TCP1: variants seen among roughly 807,000 people sequenced by gnomAD.
TCP1 encodes t-complex 1.
Under a neutral mutation model 54.7 loss-of-function variants are expected in TCP1, and 6 were observed. The observed-to-expected ratio is 0.11, with a 90% confidence interval of 0.06 to 0.22. The LOEUF is 0.22. Ranked by LOEUF, TCP1 falls within the 10% of genes least tolerant of loss-of-function variation. TCP1 has a pLI of 1.00. For missense variants in TCP1, 511 were observed against 678.2 expected, an observed-to-expected ratio of 0.75 and a Z score of 2.74; for synonymous variants, 225 against 229.7, an observed-to-expected ratio of 0.98 and a Z score of 0.19.
chr6:159,781,235 G>T (rs993018174), intron 7 of TCP1, 125 bp from the exon 8 acceptor site: 1 of 889,232 alleles, frequency 1.1e-6, no homozygotes, highest in Non-Finnish European at 1.6e-6. Context: ...TCTCTGACCA[G>T]AATTTAAATT....
intron 3 of TCP1, among the ~76,000 whole-genome samples, chr6:159,786,878 A>G (rs901910859): frequency 6.6e-6 from 1 of 152,170 alleles, no homozygotes; most frequent in Non-Finnish European, 1.5e-5. Flanking sequence ...GTAAGATCAC[A>G]CTGTCATATC....
chr6:159,783,831 A>C, intron 7 of TCP1, 110 bp downstream of exon 7: 21 of 1,438,212 alleles, frequency 1.5e-5, no homozygotes, highest in Non-Finnish European at 1.9e-5. Flanking sequence ...CCCTCTAAAA[A>C]CACCACCAGG....
intron 9 of TCP1, 177 bp from the exon 10 acceptor site, chr6:159,780,264 T>C (rs1583137716): frequency 8.2e-7 from 1 of 1,222,024 alleles, no homozygotes; most frequent in South Asian, 1.2e-5. Context: ...GTCTAGTCCC[T>C]GCAGAAGAGA....
At chr6:159,789,245 C>A (rs894269795) in intron 1 of TCP1, 160 bp downstream of exon 1, 2 of 774,964 alleles carry the variant, frequency 2.6e-6, no homozygotes. Context: ...GGCCACAGCG[C>A]CCTGCCCCAG....
chr6:159,783,379 A>ATTTTTTTTTTTTTTTTTTTTTTTTTTTT, intron 7 of TCP1, among the ~76,000 whole-genome samples: 1 of 118,838 alleles, frequency 8.4e-6, no homozygotes. Flanking sequence ...TGTTTAAACT[A>ATTTTTTTTTTTTTTTTTTTTTTTTTTTT]TTTTTTTTTT....
At chr6:159,785,703 T>C in intron 4 of TCP1, 197 bp downstream of exon 4, 1 of 789,964 alleles carries the variant, frequency 1.3e-6, no homozygotes, top group Non-Finnish European at 2.2e-6. Context: ...AAATCTATTA[T>C]TAGGAGAAAA....
intron 7 of TCP1, among the ~76,000 whole-genome samples, chr6:159,781,365 G>A (rs1780572114): frequency 6.6e-6 from 1 of 152,194 alleles, no homozygotes; most frequent in African/African-American, 2.4e-5. Context: ...TGCCTTCAAG[G>A]ATCTAGTGGG....
At chr6:159,782,639 G>A (rs759291303) in intron 7 of TCP1, among the ~76,000 whole-genome samples, 2 of 152,208 alleles carry the variant, frequency 1.3e-5, no homozygotes, top group African/African-American at 2.4e-5. Context: ...GTCAAAAGCA[G>A]ATTTGCGGTA....
At position 159,789,527 on chromosome 6, in the gene TCP1, C is replaced by A. The variant is rs1215103223; in HGVS notation, c.-59G>T. The A allele has an allele frequency of 1.2e-6, 2 of 1,601,920 alleles. No homozygotes were observed. The highest frequency in any genetic ancestry group is 1.7e-5 in the Admixed American group (1 of 59,608). ...ACACCGCGGGCAACCAGTATCGCGG[C>A]CCCTCGGCCGACCGGCGACCACAGC... is the stretch of plus-strand genomic sequence containing the variant. On this transcript the variant is annotated 5_prime_UTR_variant, in exon 1 of 12. Transcript: ENST00000321394.
chr6:159,780,076 C>T lies in TCP1; in HGVS notation c.1109G>A (p.Arg370His), dbSNP rs772550765. 4 of 1,613,880 alleles carry T rather than the reference C, an allele frequency of 2.5e-6. No homozygotes were observed. The highest frequency in any genetic ancestry group is 2.2e-5 in the East Asian group (1 of 44,890). ...ELILIKNTKARTSASIILRGA... is the reference protein window; with the variant it reads ...ELILIKNTKAHTSASIILRGA... ...ACGTAAGATAATCGATGCAGACGTA[C>T]GAGCCTTAGTACTGTTCAAAACAAA... The change falls in exon 10 of 12, where the codon CGT (arginine) becomes CAT (histidine). Residue 370 changes from arginine to histidine, a missense_variant. By Grantham distance (29) the Arg-to-His change is conservative. This residue lies in a region of TCP1 where 305 missense variants were observed against 352.8 expected (regional missense o/e 0.86). Transcript: ENST00000321394.
At chr6:159,784,463 C>CCCA (rs1430031490) in intron 6 of TCP1, among the ~76,000 whole-genome samples, 1 of 152,088 alleles carries the variant, frequency 6.6e-6, no homozygotes, top group African/African-American at 2.4e-5. Flanking sequence ...TGCCACCATG[C>CCCA]CCAGCTAATT....
At chr6:159,781,156 AAAT>A (rs1453756134) in intron 7 of TCP1, 46 bp from the exon 8 acceptor site, 1 of 1,452,042 alleles carries the variant, frequency 6.9e-7, no homozygotes, top group Non-Finnish European at 9.2e-7. Context: ...TGATTTTTAA[AAAT>A]AATTTAACTT....
At position 159,784,827 on chromosome 6, in the gene TCP1, T is replaced by C. The variant is rs1780655061; in HGVS notation, c.509A>G (p.Asn170Ser). Residue 170 changes from asparagine to serine, a missense_variant, in exon 6 of 12, where the codon AAC becomes AGC. Asn to Ser is a conservative substitution (Grantham distance 46, BLOSUM62 1). Coordinates refer to ENST00000321394, the MANE Select transcript of TCP1 (RefSeq NM_030752.3). ...IIGINGDFFANMVVDAVLAIK... is the reference protein window; with the variant it reads ...IIGINGDFFASMVVDAVLAIK... ...AGCAAGTACAGCATCTACTACCATG[T>C]TAGCAAAGAAATCACCATTTCTACG... The C allele has an allele frequency of 6.2e-7, 1 of 1,614,054 alleles. No homozygotes were observed. The highest frequency in any genetic ancestry group is 1.7e-5 in the Admixed American group (1 of 60,002).
intron 3 of TCP1, among the ~76,000 whole-genome samples, chr6:159,786,431 G>C (rs1457887767): frequency 1.3e-5 from 2 of 152,104 alleles, no homozygotes; most frequent in Non-Finnish European, 2.9e-5. Flanking sequence ...TCAGCAATAA[G>C]AAACTAGTTC....
At chr6:159,789,316 G>A (rs1373578732) in intron 1 of TCP1, 89 bp downstream of exon 1, 9 of 1,500,158 alleles carry the variant, frequency 6.0e-6, no homozygotes, top group South Asian at 1.2e-5. Flanking sequence ...CGGAGGTAAA[G>A]GAGAGAAACG....
rs1158723667 is a variant in TCP1, at chr6:159,779,699, G to T, written c.1382C>A (p.Thr461Lys). 1 of 1,613,492 alleles carries T rather than the reference G, an allele frequency of 6.2e-7. No individual in the cohort carries two copies. The highest frequency in any genetic ancestry group is 8.5e-7 in the Non-Finnish European group (1 of 1,179,856). The change falls in exon 11 of 12, where the codon ACA becomes AAA. Residue 461 changes from threonine (T) to lysine (K), a missense_variant. Thr to Lys is a moderately conservative substitution (Grantham distance 78). Around this residue, in one of 5 missense-constraint regions of TCP1, gnomAD observed 88 missense variants for 153.1 expected, o/e 0.57. Transcript: ENST00000321394. The stretch of plus-strand genomic sequence containing the variant: ...AGCTCTTAATTTTGCAACCAGATCT[G>T]TGGAGTCCTGGGCAGCATTAACTGC... ...TLAVNAAQDS[T>K]DLVAKLRAFH...
intron 1 of TCP1, 93 bp downstream of exon 1, chr6:159,789,312 T>C: frequency 6.9e-7 from 1 of 1,448,856 alleles, no homozygotes; most frequent in Non-Finnish European, 9.5e-7. Context: ...TCTGCGGAGG[T>C]AAAGGAGAGA....
At chr6:159,786,261 C>T (rs1361022935) in intron 3 of TCP1, among the ~76,000 whole-genome samples, 5 of 152,138 alleles carry the variant, frequency 3.3e-5, no homozygotes, top group African/African-American at 7.2e-5. Context: ...TTTATTGTAA[C>T]GCTGATGGGG....
At chr6:159,788,029 AAACT>A in intron 2 of TCP1, 25 bp downstream of exon 2, 1 of 1,612,038 alleles carries the variant, frequency 6.2e-7, no homozygotes, top group Non-Finnish European at 8.5e-7. Flanking sequence ...TACTTTAAGG[AAACT>A]AACACAACAG....
Sources: gnomAD v4.1 joint callset for allele counts (sites outside exome capture counted in the v4.1 genomes callset) on GRCh38, gnomAD v4.1.1 for gene constraint, gnomAD v4.1.1 regional missense constraint, MANE v1.5 for transcripts, NCBI Gene and HGNC (gene_info 2026-07-23, HGNC 2026-07-21) for gene names.